The following CDH20 variants were observed in gnomAD, a reference collection of about 807,000 sequenced individuals.
CDH20 encodes the protein cadherin-20.
A neutral mutation model predicts 74.2 loss-of-function variants in CDH20; 29 were observed. The ratio of observed to expected loss-of-function variants is 0.39; its 90% CI spans 0.29 to 0.53. The LOEUF (loss-of-function observed/expected upper bound fraction) is 0.53, where lower values mean the gene tolerates loss of function less well. CDH20 is among the 20% of genes least tolerant of loss of function. The probability of loss-of-function intolerance (pLI) is 0.69; values close to 1 mark genes in which losing one functional copy is unlikely to be tolerated. For synonymous variants in CDH20, 469 were observed against 405.4 expected (o/e 1.16, Z -1.88); for missense variants, 988 against 1,048.3 (o/e 0.94, Z 0.79).
intron 4 of CDH20, 96 bp from the exon 5 acceptor site, chr18:61,502,857 G>T: frequency 1.0e-6 from 1 of 968,768 alleles, no homozygotes; most frequent in Non-Finnish European, 1.5e-6. Flanking sequence ...TCACTTCTAG[G>T]CATTAATGGT....
chr18:61,363,679 G>A (rs1910770509), intron 1 of CDH20, among the ~76,000 whole-genome samples: 1 of 152,144 alleles, frequency 6.6e-6, no homozygotes, highest in African/African-American at 2.4e-5. Context: ...CATGCCAAAA[G>A]AGAATAGTGA....
intron 1 of CDH20, among the ~76,000 whole-genome samples, chr18:61,360,118 G>GA (rs1568109903): frequency 6.6e-6 from 1 of 152,140 alleles, no homozygotes; most frequent in African/African-American, 2.4e-5. Flanking sequence ...AAACAGGCAG[G>GA]AAAAATAGTG....
chr18:61,453,557 G>A (rs1194352073), intron 1 of CDH20, among the ~76,000 whole-genome samples: 1 of 152,168 alleles, frequency 6.6e-6, no homozygotes, highest in Admixed American at 6.5e-5. Context: ...GAGATTACAG[G>A]CGTGAGCCAC....
At chr18:61,418,543 G>T (rs1320906407) in intron 1 of CDH20, among the ~76,000 whole-genome samples, 5 of 107,660 alleles carry the variant, frequency 4.6e-5, no homozygotes, top group South Asian at 3.4e-4. Flanking sequence ...GACAGAGCGA[G>T]ACTCTGTCTC....
chr18:61,487,843 G>A (rs1386988180), intron 1 of CDH20, among the ~76,000 whole-genome samples: 1 of 152,068 alleles, frequency 6.6e-6, no homozygotes, highest in Admixed American at 6.5e-5. Context: ...AGTTAGAAAT[G>A]GGGAATATAA....
intron 1 of CDH20, among the ~76,000 whole-genome samples, chr18:61,411,675 G>A (rs1912513850): frequency 6.6e-6 from 1 of 151,230 alleles, no homozygotes; most frequent in Admixed American, 6.6e-5. Flanking sequence ...ACACAACTCA[G>A]CCATTAAAAA....
intron 1 of CDH20, among the ~76,000 whole-genome samples, chr18:61,393,222 C>G (rs971933003): frequency 1.3e-5 from 2 of 152,150 alleles, no homozygotes; most frequent in Admixed American, 1.3e-4. Flanking sequence ...AGATCAACTA[C>G]CCCTTCATCT....
chr18:61,484,758 C>T (rs934181767), intron 1 of CDH20, among the ~76,000 whole-genome samples: 3 of 54,786 alleles, frequency 5.5e-5, no homozygotes, highest in Non-Finnish European at 4.6e-5. Flanking sequence ...CACACACACA[C>T]ACACACACAC....
At chr18:61,496,076 C>CCCCCTCTCTCCTCCCTTCCTCTCT (rs1568163877) in intron 2 of CDH20, among the ~76,000 whole-genome samples, 8 of 15,400 alleles carry the variant, frequency 5.2e-4, no homozygotes, top group Non-Finnish European at 6.4e-4. Context: ...CCTTCCTCTC[C>CCCCCTCTCTCCTCCCTTCCTCTCT]CCCCTCTCTC....
chr18:61,351,939 T>C (rs189898213), intron 1 of CDH20, among the ~76,000 whole-genome samples: 1 of 152,284 alleles, frequency 6.6e-6, no homozygotes, highest in African/African-American at 2.4e-5. Context: ...TTTCAAACTA[T>C]GAGAGCGAGA....
intron 2 of CDH20, among the ~76,000 whole-genome samples, chr18:61,492,087 C>CAT (rs890992876): frequency 4.6e-5 from 7 of 152,094 alleles, no homozygotes; most frequent in African/African-American, 1.7e-4. Context: ...AATTCTACTG[C>CAT]ACATGTGACA....
chr18:61,496,218 C>T (rs1405747927), intron 2 of CDH20, among the ~76,000 whole-genome samples: 1 of 73,726 alleles, frequency 1.4e-5, no homozygotes, highest in Non-Finnish European at 2.9e-5. Context: ...CTATCCCTCT[C>T]CCTCCCTTTC....
chr18:61,509,780 G>C (rs754840070), intron 6 of CDH20, among the ~76,000 whole-genome samples: 1 of 152,128 alleles, frequency 6.6e-6, no homozygotes, highest in Non-Finnish European at 1.5e-5. Context: ...AGTAATCCAG[G>C]TAAGAGATGA....
intron 1 of CDH20, among the ~76,000 whole-genome samples, chr18:61,346,242 T>G (rs1381718937): frequency 6.6e-6 from 1 of 152,226 alleles, no homozygotes; most frequent in African/African-American, 2.4e-5. Flanking sequence ...GTTATTTCTA[T>G]TACAATATGC....
At chr18:61,522,584 CAA>C (rs1912250552) in intron 6 of CDH20, among the ~76,000 whole-genome samples, 1 of 151,924 alleles carries the variant, frequency 6.6e-6, no homozygotes, top group South Asian at 2.1e-4. Flanking sequence ...CATATGGATC[CAA>C]AAAAGAGTCT....
intron 1 of CDH20, among the ~76,000 whole-genome samples, chr18:61,371,680 C>T (rs1911045206): frequency 6.6e-6 from 1 of 151,876 alleles, no homozygotes; most frequent in South Asian, 2.1e-4. Flanking sequence ...AATAAATGGC[C>T]AAAAGAAAAG....
intron 1 of CDH20, among the ~76,000 whole-genome samples, chr18:61,367,720 A>G (rs890364009): frequency 2.0e-5 from 3 of 152,146 alleles, no homozygotes; most frequent in Non-Finnish European, 4.4e-5. Context: ...CTAACAAAGT[A>G]CCACAAACTG....
intron 1 of CDH20, among the ~76,000 whole-genome samples, chr18:61,362,893 A>T (rs745394713): frequency 6.6e-6 from 1 of 152,168 alleles, no homozygotes; most frequent in African/African-American, 2.4e-5. Context: ...CAAAAATGTC[A>T]TCACTTTTGG....
At chr18:61,545,570 T>C (rs983867914) in intron 10 of CDH20, among the ~76,000 whole-genome samples, 1 of 152,034 alleles carries the variant, frequency 6.6e-6, no homozygotes, top group Admixed American at 6.6e-5. Flanking sequence ...TTCCCACTGG[T>C]AGCAGCCCTG....
Sources: gnomAD v4.1 joint callset for allele counts (sites outside exome capture counted in the v4.1 genomes callset) on GRCh38, gnomAD v4.1.1 for gene constraint, MANE v1.5 for transcripts, NCBI Gene and HGNC (gene_info 2026-07-23, HGNC 2026-07-21) for gene names.